The following NOTCH4 variants were observed in gnomAD, a reference collection of about 807,000 sequenced individuals.
The protein encoded by NOTCH4 is neurogenic locus notch homolog protein 4.
In NOTCH4, 138 loss-of-function variants were observed where a neutral mutation model predicts 189.0. The ratio of observed to expected loss-of-function variants is 0.73; its 90% CI spans 0.64 to 0.84. The LOEUF (loss-of-function observed/expected upper bound fraction) is 0.84, where lower values mean the gene tolerates loss of function less well. NOTCH4 is among the 40% of genes least tolerant of loss of function. The pLI is 0.00. For missense variants in NOTCH4, 2,286 were observed against 2,605.4 expected, an observed-to-expected ratio of 0.88 and a Z score of 2.67; for synonymous variants, 942 against 1,032.8, an observed-to-expected ratio of 0.91 and a Z score of 1.69.
chr6:32,216,751 TG>T lies in NOTCH4; in HGVS notation c.1861+193del, dbSNP rs2127482510. On this transcript the variant is annotated intron_variant, in intron 11 of 29. Transcript: ENST00000375023. ...TCACACCATTTACACTGGGCCCATG[TG>T]GGCCCTACGGTAACCCCTGCCCTTG... 11 of 694,684 alleles carry T rather than the reference TG, an allele frequency of 1.6e-5. 1 individual carries two copies. In the South Asian group the frequency reaches 2.0e-4, roughly 13 times the overall value. The allele number at this position is 694,684 out of a possible 1,614,324, so 43.0% of individuals were successfully genotyped here.
intron 12 of NOTCH4, 97 bp downstream of exon 12, chr6:32,215,129 A>T: frequency 1.7e-6 from 2 of 1,182,054 alleles, no homozygotes; most frequent in Non-Finnish European, 2.3e-6. Flanking sequence ...CCCATTGGTC[A>T]TTTCTCACAG....
In NOTCH4 at chr6:32,204,366, C is replaced by T; in HGVS notation, c.2889G>A (p.Gln963=). The T allele has an allele frequency of 2.5e-6, 4 of 1,613,106 alleles. No homozygotes were observed. Among genetic ancestry groups the T allele is most frequent in the Non-Finnish European group, 3.4e-6 (4 of 1,180,036 alleles). ...AAGCATCGAGTTCCTTTGAGCAGTT[C>T]TGTCCATCGTAGCCTGGGGCACACT... ...LCQCAPGYDG[Q]NCSKELDACQ... is the part of the protein sequence containing the mutation. The change falls in exon 19 of 30, where the codon CAG becomes CAA. Residue 963 remains glutamine, a synonymous_variant. Transcript: ENST00000375023.
In NOTCH4 at chr6:32,221,036, GC is replaced by G; in HGVS notation, c.740del (p.Gly247AlafsTer5). ...CTTTCTCTGGCATCAGCTGGCAGGT[GC>G]CCCCATTCGAACAGCCCCTAGGAGG... ...PCPPRGCSNG[G>X]TCQLMPEKDS... On this transcript the variant is annotated frameshift_variant, in exon 4 of 30. Transcript: ENST00000375023. LOFTEE classifies it high-confidence loss of function. This position sits in a 1 kb window ranked among gnomAD's most constrained non-coding sequence, Gnocchi z 4.3. The G allele has an allele frequency of 2.5e-6, 4 of 1,610,404 alleles. No individual in the cohort carries two copies. The South Asian group carries it at 4.4e-5, about 18-fold the overall frequency.
At chr6:32,215,727 A>C in intron 11 of NOTCH4, 1 of 290,390 alleles carries the variant, frequency 3.4e-6, no homozygotes, top group Non-Finnish European at 6.4e-6. Context: ...TCCAGCTAAA[A>C]CACACTATCT....
In NOTCH4 at chr6:32,219,695, G is replaced by T. The variant is rs367972742; in HGVS notation, c.1407C>A (p.Gly469=). The T allele has an allele frequency of 6.2e-7, 1 of 1,613,176 alleles. No individual in the cohort carries two copies. The highest frequency in any genetic ancestry group is 1.3e-5 in the African/African-American group (1 of 75,028). Residue 469 remains glycine (G), a synonymous_variant, in exon 8 of 30, where the codon GGC becomes GGA. Transcript: ENST00000375023. The part of the protein sequence containing the change: ...FNCLCPPGYT[G]SRCEADHNEC... ...CATTGTGATCAGCCTCACAACGGGAGCCTGTGTAGCCAGGTGGACAGAGGC... is the reference window on the plus strand; with the variant it reads ...CATTGTGATCAGCCTCACAACGGGATCCTGTGTAGCCAGGTGGACAGAGGC...
rs150167911 is a variant in NOTCH4, at chr6:32,222,663, C to T, written c.299G>A (p.Ser100Asn). The T allele has an allele frequency of 1.9e-4, 307 of 1,605,242 alleles. 1 individual carries two copies. In the African/African-American group the frequency reaches 3.3e-3, roughly 17 times the overall value. ...LPSSPSPLTP[S>N]FLCTCLPGFT... ...GCCAGGGAGGCAAGTGCACAAGAAG[C>T]TGGGTGTCAATGGAGAGGGAGAGCT... The change falls in exon 3 of 30, where the codon AGC becomes AAC. Residue 100 changes from serine (S) to asparagine (N), a missense_variant. Ser to Asn is a conservative substitution (Grantham distance 46). Transcript: ENST00000375023.
rs1399189591 is a variant in NOTCH4, at chr6:32,212,286, G to T, written c.2680+188C>A. Among the ~76,000 whole-genome samples, 2 of 152,130 alleles carry T rather than the reference G, an allele frequency of 1.3e-5. No individual in the cohort carries two copies. Among genetic ancestry groups the T allele is most frequent in the African/African-American group, 4.8e-5 (2 of 41,400 alleles). ...TGAATTGCGTTAAATGAGGTAACAG[G>T]AATTGTGTTAGGCTTCTCTGATTGC... is the stretch of plus-strand genomic sequence containing the variant. On this transcript the variant is annotated intron_variant, in intron 17 of 29. Transcript: ENST00000375023. The surrounding 1 kb of genome is among the most constrained non-coding windows in gnomAD (Gnocchi z 4.4).
chr6:32,195,433 T>C lies in NOTCH4; in HGVS notation c.*4A>G. On this transcript the variant is annotated 3_prime_UTR_variant, in exon 30 of 30. Transcript: ENST00000375023. This position sits in a 1 kb window ranked among gnomAD's most constrained non-coding sequence, Gnocchi z 5.4. ...TTTGGAATTCCTCCCTACCATGTATTCTTCTATTTTTTACCCTCTCCTCCT... is the reference window on the plus strand; with the variant it reads ...TTTGGAATTCCTCCCTACCATGTATCCTTCTATTTTTTACCCTCTCCTCCT... 6.4e-7 allele frequency: 1 copy of C among 1,574,534 alleles called. No homozygotes were observed. The highest frequency in any genetic ancestry group is 8.6e-7 in the Non-Finnish European group (1 of 1,159,678).
chr6:32,195,849 C>A lies in NOTCH4; in HGVS notation c.5600G>T (p.Gly1867Val). Residue 1867 changes from glycine (G) to valine (V), a missense_variant, in exon 30 of 30, where the codon GGA (glycine) becomes GTA (valine). Gly to Val is a moderately radical substitution (Grantham distance 109). Coordinates refer to ENST00000375023, the MANE Select transcript of NOTCH4 (RefSeq NM_004557.4). The surrounding 1 kb of genome is among the most constrained non-coding windows in gnomAD (Gnocchi z 5.4). The stretch of plus-strand genomic sequence containing the variant: ...AGCTCCGCCCCCACGAGGGCCTGCT[C>A]CGGCTGACAGCGTCCGGCAGCGCGG... ...ALPRCRTLSA[G>V]AGPRGGGACL... is the part of the protein sequence containing the mutation. 4 of 1,597,230 alleles carry A rather than the reference C, an allele frequency of 2.5e-6. No individual in the cohort carries two copies. Among genetic ancestry groups the A allele is most frequent in the Non-Finnish European group, 3.4e-6 (4 of 1,178,428 alleles).
chr6:32,216,809 C>T (rs1328133725), intron 11 of NOTCH4, 136 bp downstream of exon 11: 2 of 1,114,598 alleles, frequency 1.8e-6, no homozygotes, highest in Non-Finnish European at 2.7e-6. Context: ...GCAGGTTTTA[C>T]ACTAAATAAC....
chr6:32,210,862 G>C lies in NOTCH4; in HGVS notation c.2755C>G (p.Pro919Ala). Residue 919 changes from proline to alanine, a missense_variant, in exon 18 of 30, where the codon CCC (proline) becomes GCC (alanine). Transcript: ENST00000375023. The surrounding 1 kb of genome is among the most constrained non-coding windows in gnomAD (Gnocchi z 4.8). ...DSGPSYFCHC[P>A]PGFQGSLCQD... The stretch of plus-strand genomic sequence containing the variant: ...CACAGGCTGCCTTGGAATCCAGGGG[G>C]GCAGTGGCAGAAATAGGAGGGGCCG... 6.2e-7 allele frequency: 1 copy of C among 1,612,908 alleles called. No individual in the cohort carries two copies. Among genetic ancestry groups the C allele is most frequent in the Non-Finnish European group, 8.5e-7 (1 of 1,179,942 alleles).
In NOTCH4 at chr6:32,220,652, T is replaced by C. The variant is rs1247726903; in HGVS notation, c.923-11A>G. On this transcript the variant is annotated splice_polypyrimidine_tract_variant and intron_variant, in intron 5 of 29. Transcript: ENST00000375023. ...CGGAGCAGTCCCAGCCTGCAGGGGG[T>C]TGGGGAGGGGACGAGGGCTAAGGCT... 1.2e-6 allele frequency: 2 copies of C among 1,611,160 alleles called. No homozygotes were observed. The highest frequency in any genetic ancestry group is 1.7e-6 in the Non-Finnish European group (2 of 1,178,406).
At position 32,213,729 on chromosome 6, in the gene NOTCH4, G is replaced by A. The variant is rs749719226; in HGVS notation, c.2279C>T (p.Thr760Ile). 1 of 1,612,770 alleles carries A rather than the reference G, an allele frequency of 6.2e-7. No homozygotes were observed. Among genetic ancestry groups the A allele is most frequent in the African/African-American group, 1.3e-5 (1 of 74,930 alleles). The change falls in exon 14 of 30, where the codon ACA becomes ATA. Residue 760 changes from threonine (T) to isoleucine (I), a missense_variant. Thr to Ile is a moderately conservative substitution (Grantham distance 89). This residue lies in a region of NOTCH4 where 1,903 missense variants were observed against 2,261.9 expected (regional missense o/e 0.84). Coordinates refer to ENST00000375023, the MANE Select transcript of NOTCH4 (RefSeq NM_004557.4). ...GYYCTCPPSH[T>I]GPQCQTSTDY... Reference sequence around the variant, plus strand: ...AGTGCTGGTTTGGCACTGGGGCCCTGTGTGGCTTGGAGGGCAGGTGCAGTA... The same window carrying A: ...AGTGCTGGTTTGGCACTGGGGCCCTATGTGGCTTGGAGGGCAGGTGCAGTA...
chr6:32,213,992 C>G, intron 13 of NOTCH4, 118 bp downstream of exon 13: 2 of 1,421,416 alleles, frequency 1.4e-6, no homozygotes, highest in South Asian at 2.6e-5. Context: ...TCACCCGTGT[C>G]CCCTGCAGTC....
Position 32,220,809 on chromosome 6 carries a change from GT to G in NOTCH4, c.868del (p.Thr290LeufsTer55), listed in dbSNP as rs2127488299. On this transcript the variant is annotated frameshift_variant, in exon 5 of 30. Transcript: ENST00000375023. LOFTEE classifies it high-confidence loss of function. ...GTAGGTGTCCAGCCCATCCTGGCAA[GT>G]GCCCCCATTCTGACACTGGTGGCTG... ...CVSHQCQNGG[T>X]CQDGLDTYTC... is the part of the protein sequence containing the mutation. 1 of 1,614,168 alleles carries G rather than the reference GT, an allele frequency of 6.2e-7. No homozygotes were observed. Among genetic ancestry groups the G allele is most frequent in the South Asian group, 1.1e-5 (1 of 91,088 alleles).
chr6:32,223,956 C>A lies in NOTCH4; in HGVS notation c.-28G>T. 1 of 1,579,804 alleles carries A rather than the reference C, an allele frequency of 6.3e-7. No homozygotes were observed. On this transcript the variant is annotated 5_prime_UTR_variant, in exon 1 of 30. Coordinates refer to ENST00000375023, the MANE Select transcript of NOTCH4 (RefSeq NM_004557.4). ...CACAGCCCCTTCTCCAAGCCCCGGT[C>A]CCTGTCCCTCTTCAGGCAGGGACCC...
In NOTCH4 at chr6:32,204,163, T is replaced by C. The variant is rs1380106526; in HGVS notation, c.3092A>G (p.Tyr1031Cys). 1.2e-6 allele frequency: 2 copies of C among 1,612,748 alleles called. No individual in the cohort carries two copies. Among genetic ancestry groups the C allele is most frequent in the Admixed American group, 3.3e-5 (2 of 59,990 alleles). ...AACHSLANAF[Y>C]CQCLPGHTGQ... Reference sequence around the variant, plus strand: ...TGTGTGTCCAGGCAGACACTGGCAGTAGAAGGCATTGGCCAGAGAGTGGCA... The same window carrying C: ...TGTGTGTCCAGGCAGACACTGGCAGCAGAAGGCATTGGCCAGAGAGTGGCA... Residue 1031 changes from tyrosine (Y) to cysteine (C), a missense_variant, in exon 19 of 30, where the codon TAC becomes TGC. Physicochemically the swap from Tyr to Cys is radical, Grantham distance 194. Around this residue, in one of 2 missense-constraint regions of NOTCH4, gnomAD observed 1,903 missense variants for 2,261.9 expected, o/e 0.84. Coordinates refer to ENST00000375023, the MANE Select transcript of NOTCH4 (RefSeq NM_004557.4).
chr6:32,223,356 G>C (rs776641001), intron 1 of NOTCH4, among the ~76,000 whole-genome samples: 5 of 152,136 alleles, frequency 3.3e-5, no homozygotes, highest in African/African-American at 4.8e-5. Context: ...CAAGACAACA[G>C]GGGTCAGAAG....
At chr6:32,213,665 C>T in intron 14 of NOTCH4, 23 bp downstream of exon 14, 1 of 1,610,848 alleles carries the variant, frequency 6.2e-7, no homozygotes, top group Non-Finnish European at 8.5e-7. Context: ...GGACCCCAGC[C>T]CCATGACACA....
Sources: gnomAD v4.1 joint callset for allele counts (sites outside exome capture counted in the v4.1 genomes callset) on GRCh38, gnomAD v4.1.1 for gene constraint, gnomAD v4.1.1 regional missense constraint, Gnocchi (gnomAD v3.1) non-coding constraint, MANE v1.5 for transcripts, NCBI Gene and HGNC (gene_info 2026-07-23, HGNC 2026-07-21) for gene names.